The following EBAG9 variants were observed in gnomAD, a reference collection of about 807,000 sequenced individuals.
EBAG9 encodes the protein receptor-binding cancer antigen expressed on SiSo cells.
A neutral mutation model predicts 30.9 loss-of-function variants in EBAG9; 16 were observed. That is an observed-to-expected ratio of 0.52 (90% CI 0.35 to 0.79). EBAG9 has a LOEUF of 0.79. Ranked by LOEUF, EBAG9 falls within the 30% of genes least tolerant of loss-of-function variation. The probability of loss-of-function intolerance (pLI) is 0.01; values close to 1 mark genes in which losing one functional copy is unlikely to be tolerated. For synonymous variants in EBAG9, 93 were observed against 82.8 expected, an observed-to-expected ratio of 1.12 and a Z score of -0.67; for missense variants, 197 against 242.1, an observed-to-expected ratio of 0.81 and a Z score of 1.24.
chr8:109,547,904 C>T (rs1028908697), intron 1 of EBAG9, among the ~76,000 whole-genome samples: 2 of 152,150 alleles, frequency 1.3e-5, no homozygotes, highest in African/African-American at 4.8e-5. Flanking sequence ...CCTTATTAGA[C>T]ATATGCTTTG....
rs1821610312 is a variant in EBAG9, at chr8:109,556,973, C to T, written c.360C>T (p.Ile120=). The part of the protein sequence containing the change: ...IKKREPLNFG[I]PDGSTGFSSR... ...AGAGAGAACCATTGAATTTTGGCAT[C>T]CCAGATGGGAGCACAGGTTTCTCTA... Residue 120 remains isoleucine, a synonymous_variant, in exon 5 of 7, where the codon ATC becomes ATT. Coordinates refer to ENST00000337573, the MANE Select transcript of EBAG9 (RefSeq NM_004215.5). The T allele has an allele frequency of 1.2e-6, 2 of 1,603,360 alleles. No individual in the cohort carries two copies. Among genetic ancestry groups the T allele is most frequent in the African/African-American group, 1.3e-5 (1 of 74,550 alleles).
intron 4 of EBAG9, among the ~76,000 whole-genome samples, chr8:109,556,321 C>G (rs191994640): frequency 1.1e-4 from 17 of 152,090 alleles, no homozygotes; most frequent in Non-Finnish European, 2.2e-4. Flanking sequence ...CATTTACATT[C>G]TTTGTTGTTG....
intron 3 of EBAG9, 60 bp downstream of exon 3, chr8:109,554,003 C>A: frequency 8.0e-7 from 1 of 1,252,778 alleles, no homozygotes; most frequent in South Asian, 1.6e-5. Flanking sequence ...AATAAGTGTC[C>A]TAGAACAATA....
At chr8:109,545,321 C>CAAA (rs540899914) in intron 1 of EBAG9, among the ~76,000 whole-genome samples, 487 of 37,694 alleles carry the variant, frequency 0.013, 18 homozygotes, top group African/African-American at 0.042. Flanking sequence ...GACTGTGTCT[C>CAAA]AAAAAAAAAA....
intron 2 of EBAG9, among the ~76,000 whole-genome samples, chr8:109,553,582 A>G (rs560205413): frequency 1.7e-4 from 26 of 152,274 alleles, no homozygotes; most frequent in South Asian, 1.7e-3. Flanking sequence ...ACCGTCTTGC[A>G]TTTTTATTTT....
chr8:109,562,541 C>T (rs1380345367), intron 6 of EBAG9, among the ~76,000 whole-genome samples: 1 of 151,934 alleles, frequency 6.6e-6, no homozygotes, highest in Non-Finnish European at 1.5e-5. Context: ...AGCTTTTTTC[C>T]TGTTGCCACT....
intron 6 of EBAG9, among the ~76,000 whole-genome samples, chr8:109,563,798 T>G (rs1179228550): frequency 6.6e-6 from 1 of 152,092 alleles, no homozygotes; most frequent in Non-Finnish European, 1.5e-5. Flanking sequence ...TATGTGTTCA[T>G]GTGTTCTCAT....
intron 5 of EBAG9, 76 bp downstream of exon 5, chr8:109,557,118 A>AT: frequency 2.2e-6 from 2 of 925,670 alleles, no homozygotes; most frequent in Admixed American, 5.6e-5. Flanking sequence ...TAAAATCTAA[A>AT]TGAGTTTAAC....
At chr8:109,558,510 C>T (rs1213308984) in intron 5 of EBAG9, among the ~76,000 whole-genome samples, 1 of 151,474 alleles carries the variant, frequency 6.6e-6, no homozygotes, top group African/African-American at 2.4e-5. Context: ...TGCTTTAATC[C>T]CACCCACTGA....
At chr8:109,542,399 T>TGTG (rs1357107994) in intron 1 of EBAG9, among the ~76,000 whole-genome samples, 4 of 152,224 alleles carry the variant, frequency 2.6e-5, no homozygotes, top group African/African-American at 9.6e-5. Context: ...AGGTGATGGC[T>TGTG]GTGGTTACTA....
intron 6 of EBAG9, among the ~76,000 whole-genome samples, chr8:109,561,145 C>T (rs908346884): frequency 4.6e-5 from 7 of 150,644 alleles, no homozygotes; most frequent in African/African-American, 1.5e-4. Context: ...TCTATAGGAA[C>T]AAAATAACTT....
At chr8:109,555,495 A>T (rs1015086695) in intron 4 of EBAG9, among the ~76,000 whole-genome samples, 1 of 152,158 alleles carries the variant, frequency 6.6e-6, no homozygotes, top group African/African-American at 2.4e-5. Context: ...TTTTAAAATT[A>T]TATTTATATA....
intron 6 of EBAG9, chr8:109,563,268 C>A: frequency 2.0e-6 from 2 of 986,358 alleles, no homozygotes; most frequent in Non-Finnish European, 3.0e-6. Context: ...CTCCCCCAGA[C>A]ATAGATAATC....
At position 109,564,586 on chromosome 8, in the gene EBAG9, T is replaced by G. The variant is rs1281444468; in HGVS notation, c.*27T>G. On this transcript the variant is annotated 3_prime_UTR_variant, in exon 7 of 7. Coordinates refer to ENST00000337573, the MANE Select transcript of EBAG9 (RefSeq NM_004215.5). ...ACATGTTCAAATTTTATCATGCCAG[T>G]AGGAGAAATCTCAGCTCCACAACCC... The G allele has an allele frequency of 6.2e-6, 10 of 1,608,846 alleles. No individual in the cohort carries two copies.
At chr8:109,551,418 T>G (rs1451509536) in intron 2 of EBAG9, among the ~76,000 whole-genome samples, 1 of 152,152 alleles carries the variant, frequency 6.6e-6, no homozygotes, top group East Asian at 1.9e-4. Context: ...GGACATCATC[T>G]GTAGACTTCA....
intron 2 of EBAG9, among the ~76,000 whole-genome samples, chr8:109,553,068 T>C (rs1449322524): frequency 6.9e-6 from 1 of 145,302 alleles, no homozygotes; most frequent in Non-Finnish European, 1.5e-5. Context: ...TAGTTGATGC[T>C]TTTTTTTTTT....
chr8:109,550,800 T>C lies in EBAG9; in HGVS notation c.-15-10T>C. The C allele has an allele frequency of 6.5e-7, 1 of 1,548,620 alleles. No homozygotes were observed. The highest frequency in any genetic ancestry group is 8.9e-7 in the Non-Finnish European group (1 of 1,127,096). On this transcript the variant is annotated splice_polypyrimidine_tract_variant and intron_variant, in intron 1 of 6. Transcript: ENST00000337573. Reference sequence around the variant, plus strand: ...TTTAATGCATTTTTTGTTTTGTGCCTCTTCCACAGGTTTTGATTCCCACCA... The same window carrying C: ...TTTAATGCATTTTTTGTTTTGTGCCCCTTCCACAGGTTTTGATTCCCACCA...
chr8:109,544,683 T>TA (rs1821348176), intron 1 of EBAG9, among the ~76,000 whole-genome samples: 1 of 152,240 alleles, frequency 6.6e-6, no homozygotes, highest in Non-Finnish European at 1.5e-5. Context: ...TGTGTGCACA[T>TA]ATGCACACAC....
chr8:109,563,432 T>C lies in EBAG9; in HGVS notation c.522-1007T>C, dbSNP rs1283555770. ...AATGTATGTTTACTCTGCTCTCTCCTGTTTCATCATCCCACTCCTACCTCC... is the reference window on the plus strand; with the variant it reads ...AATGTATGTTTACTCTGCTCTCTCCCGTTTCATCATCCCACTCCTACCTCC... On this transcript the variant is annotated intron_variant, in intron 6 of 6. Coordinates refer to ENST00000337573, the MANE Select transcript of EBAG9 (RefSeq NM_004215.5). The C allele has an allele frequency of 1.3e-6, 2 of 1,597,726 alleles. 1 individual carries two copies. The highest frequency in any genetic ancestry group is 2.2e-5 in the South Asian group (2 of 91,058).
Sources: gnomAD v4.1 joint callset for allele counts (sites outside exome capture counted in the v4.1 genomes callset) on GRCh38, gnomAD v4.1.1 for gene constraint, MANE v1.5 for transcripts, NCBI Gene and HGNC (gene_info 2026-07-23, HGNC 2026-07-21) for gene names.